The following SSUH2 variants were observed in gnomAD, a reference collection of about 807,000 sequenced individuals.
The protein encoded by SSUH2 is protein SSUH2 homolog.
In SSUH2, 47 loss-of-function variants were observed where a neutral mutation model predicts 55.3. The observed-to-expected ratio is 0.85, with a 90% CI of 0.67 to 1.08. The LOEUF (loss-of-function observed/expected upper bound fraction) is 1.08, where lower values mean the gene tolerates loss of function less well. SSUH2 is among the 50% of genes least tolerant of loss of function. The pLI, the probability that SSUH2 is intolerant of heterozygous loss-of-function variation, is 0.00. For missense variants in SSUH2, 535 were observed against 490.7 expected, an observed-to-expected ratio of 1.09 and a Z score of -0.85; for synonymous variants, 212 against 191.5, an observed-to-expected ratio of 1.11 and a Z score of -0.89.
At chr3:8,632,208 G>T in intron 4 of SSUH2, 99 bp from the exon 5 acceptor site, 1 of 965,410 alleles carries the variant, frequency 1.0e-6, no homozygotes, top group Non-Finnish European at 1.7e-6. Context: ...GCTCAGTGGG[G>T]AAACTGAGAG....
At chr3:8,644,803 T>C (rs1197578616), upstream of SSUH2, 1 of 1,530,600 alleles carries the variant, frequency 6.5e-7, no homozygotes, top group Non-Finnish European at 8.8e-7. Flanking sequence ...TCGAGTGTGC[T>C]TGGACCGATG....
At chr3:8,674,912 C>G (rs9682130) in intron 3 of SSUH2, among the ~76,000 whole-genome samples, 1 of 151,878 alleles carries the variant, frequency 6.6e-6, no homozygotes, top group Non-Finnish European at 1.5e-5. Context: ...GTTAAGACTG[C>G]GGCCCAGCCG....
At chr3:8,620,436 C>G (rs1696187334) in intron 11 of SSUH2, among the ~76,000 whole-genome samples, 1 of 152,234 alleles carries the variant, frequency 6.6e-6, no homozygotes, top group South Asian at 2.1e-4. Flanking sequence ...CATGAAAACT[C>G]TTTCCTGTAT....
intron 3 of SSUH2, among the ~76,000 whole-genome samples, chr3:8,675,583 C>T (rs34022475): frequency 0.1 from 11,358 of 112,258 alleles, 575 homozygotes; most frequent in Admixed American, 0.2. Flanking sequence ...GGGGTCGGAA[C>T]GCAGCCCAGG....
At chr3:8,679,108 GCT>G in intron 2 of SSUH2, among the ~76,000 whole-genome samples, 1 of 101,938 alleles carries the variant, frequency 9.8e-6, no homozygotes, top group Non-Finnish European at 2.2e-5. Context: ...TTCCCCCCTG[GCT>G]CTTAGGACCC....
At chr3:8,670,817 A>G (rs187346055) in intron 5 of SSUH2, among the ~76,000 whole-genome samples, 5 of 152,162 alleles carry the variant, frequency 3.3e-5, no homozygotes, top group Non-Finnish European at 5.9e-5. Flanking sequence ...CCTTGACAAT[A>G]GTAGCAACAT....
intron 11 of SSUH2, 44 bp downstream of exon 11, chr3:8,623,505 A>C: frequency 8.6e-7 from 1 of 1,163,606 alleles, no homozygotes; most frequent in South Asian, 1.3e-5. Context: ...TCAGCAGCCC[A>C]GGAAGAGACG....
At chr3:8,645,121 T>C (rs755356191), upstream of SSUH2, among the ~76,000 whole-genome samples, 9 of 152,148 alleles carry the variant, frequency 5.9e-5, no homozygotes, top group South Asian at 2.1e-4. Flanking sequence ...GCCTGACAAC[T>C]GAGCTACATC....
chr3:8,623,725 TGA>T, intron 10 of SSUH2, 69 bp from the exon 11 acceptor site: 1 of 785,450 alleles, frequency 1.3e-6, no homozygotes, highest in Non-Finnish European at 2.1e-6. Context: ...TCACTGGGGC[TGA>T]CTAGAGCCAG....
chr3:8,678,959 C>T lies in SSUH2; in HGVS notation c.-901+746G>A, dbSNP rs867007968. ...ACTCTTCCCCTCCTGGCTCTTGGGACGCCCATCGCAGGGCGGAGAGTCACC... is the reference window on the plus strand; with the variant it reads ...ACTCTTCCCCTCCTGGCTCTTGGGATGCCCATCGCAGGGCGGAGAGTCACC... On this transcript the variant is annotated intron_variant, in intron 2 of 18. Transcript: ENST00000317371. Among the ~76,000 whole-genome samples, 6 of 107,172 alleles carry T rather than the reference C, an allele frequency of 5.6e-5. 1 individual carries two copies. In the South Asian group the frequency reaches 1.0e-3, roughly 18 times the overall value. 70.3% of individuals were successfully genotyped at this position (107,172 alleles called of 152,430 possible). A position where few individuals can be genotyped will look rare whatever the true frequency, so the allele number is the denominator to read the frequency against.
In SSUH2 at chr3:8,661,704, A is replaced by T. The variant is rs1044290285; in HGVS notation, c.-396+2040T>A. 2.0e-5 allele frequency among the ~76,000 whole-genome samples: 3 copies of T among 152,236 alleles called. No individual in the cohort carries two copies. In the South Asian group the frequency reaches 6.2e-4, roughly 32 times the overall value. ...AGGACCACATGAAGAGGGCCAGGTA[A>T]TACTGTATATGCAGTGGGTTGCATT... On this transcript the variant is annotated intron_variant, in intron 6 of 18. Coordinates refer to the SSUH2 transcript ENST00000317371.
At chr3:8,679,456 AC>A (rs1260405092) in intron 2 of SSUH2, among the ~76,000 whole-genome samples, 2 of 117,260 alleles carry the variant, frequency 1.7e-5, no homozygotes, top group African/African-American at 3.3e-5. Flanking sequence ...GGGGGGAGGC[AC>A]CCCCCGGGAG....
At chr3:8,632,130 T>C (rs373418220) in intron 4 of SSUH2, 21 bp from the exon 5 acceptor site, 34 of 1,606,274 alleles carry the variant, frequency 2.1e-5, no homozygotes, top group African/African-American at 2.0e-4. Context: ...AAAAACAGCA[T>C]GTTCACACTC....
At position 8,619,985 on chromosome 3, in the gene SSUH2, T is replaced by G. The variant is rs764831871; in HGVS notation, c.1011A>C (p.Thr337=). The change falls in exon 12 of 12, where the codon ACA becomes ACC. Residue 337 remains threonine, a synonymous_variant. Transcript: ENST00000544814. ...TTCCTTGGTACCAATAGTGAACTTC[T>G]GTGAGGGGGATCAGCTCAATGGTCT... The part of the protein sequence containing the change: ...QRQTIELIPL[T]EVHYWYQGKT... 9.9e-6 allele frequency: 16 copies of G among 1,614,148 alleles called. No individual in the cohort carries two copies. Among genetic ancestry groups the G allele is most frequent in the Non-Finnish European group, 1.4e-5 (16 of 1,179,996 alleles).
At chr3:8,669,834 C>T (rs1472964401) in intron 5 of SSUH2, among the ~76,000 whole-genome samples, 1 of 152,104 alleles carries the variant, frequency 6.6e-6, no homozygotes, top group East Asian at 1.9e-4. Flanking sequence ...CATAAAAGGA[C>T]AAGTACAGGT....
At chr3:8,654,970 T>C (rs1702795902) in intron 7 of SSUH2, among the ~76,000 whole-genome samples, 1 of 31,236 alleles carries the variant, frequency 3.2e-5, no homozygotes, top group Admixed American at 3.0e-4. Flanking sequence ...TCTCAGTGTG[T>C]GGCCTCCCCA....
At chr3:8,672,902 G>A (rs949694356) in intron 3 of SSUH2, among the ~76,000 whole-genome samples, 4 of 152,054 alleles carry the variant, frequency 2.6e-5, no homozygotes, top group Non-Finnish European at 5.9e-5. Flanking sequence ...CTGGGTGGGT[G>A]TACACCTGCT....
intron 1 of SSUH2, among the ~76,000 whole-genome samples, chr3:8,680,614 T>C (rs112587196): frequency 0.02 from 3,047 of 152,190 alleles, 88 homozygotes; most frequent in African/African-American, 0.067. Flanking sequence ...TTCTGTCATA[T>C]TGAAAGTAAT....
At chr3:8,661,109 G>A (rs1057022702) in intron 6 of SSUH2, among the ~76,000 whole-genome samples, 3 of 152,236 alleles carry the variant, frequency 2.0e-5, no homozygotes, top group Non-Finnish European at 4.4e-5. Flanking sequence ...AGTCCATGCT[G>A]TTTCTTCTAG....
Sources: gnomAD v4.1 joint callset for allele counts (sites outside exome capture counted in the v4.1 genomes callset) on GRCh38, gnomAD v4.1.1 for gene constraint, MANE v1.5 for transcripts, NCBI Gene and HGNC (gene_info 2026-07-23, HGNC 2026-07-21) for gene names.